TCF4: variants seen among roughly 807,000 people sequenced by gnomAD.
TCF4 encodes SL3-3 enhancer factor 2.
A neutral mutation model predicts 82.1 loss-of-function variants in TCF4; 3 were observed. The observed-to-expected ratio is 0.04, with a 90% CI of 0.02 to 0.09. TCF4 has a LOEUF of 0.09. Ranked by LOEUF, TCF4 falls within the 10% of genes least tolerant of loss-of-function variation. TCF4 has a pLI of 1.00. For missense variants in TCF4, 518 were observed against 852.7 expected (o/e 0.61, Z 4.89); for synonymous variants, 276 against 309.6 (o/e 0.89, Z 1.14).
At chr18:55,445,115 C>T (rs1354822687) in intron 5 of TCF4, among the ~76,000 whole-genome samples, 6 of 152,142 alleles carry the variant, frequency 3.9e-5, no homozygotes, top group Non-Finnish European at 8.8e-5. Context: ...GCTTGAGTGT[C>T]CTAAATCATA....
At chr18:55,376,083 G>A (rs143893654) in intron 6 of TCF4, among the ~76,000 whole-genome samples, 2 of 147,240 alleles carry the variant, frequency 1.4e-5, no homozygotes, top group African/African-American at 5.1e-5. Flanking sequence ...ATGCAGCGGC[G>A]GGATCTCAGC....
chr18:55,356,908 CCAAA>C (rs746179328), intron 6 of TCF4, among the ~76,000 whole-genome samples: 5 of 152,220 alleles, frequency 3.3e-5, no homozygotes, highest in Middle Eastern at 3.4e-3. Context: ...TTGTATTTCA[CCAAA>C]CACTCAAAAA....
At chr18:55,622,975 C>G (rs1018029518) in intron 2 of TCF4, among the ~76,000 whole-genome samples, 1 of 151,636 alleles carries the variant, frequency 6.6e-6, no homozygotes, top group Non-Finnish European at 1.5e-5. Flanking sequence ...TTAGTTATTA[C>G]AACAGAAAAC....
At chr18:55,310,517 A>G (rs1042829688) in intron 8 of TCF4, among the ~76,000 whole-genome samples, 4 of 152,200 alleles carry the variant, frequency 2.6e-5, no homozygotes, top group African/African-American at 9.6e-5. Context: ...ACCTTCCTCC[A>G]CAGGGTGCTA....
intron 1 of TCF4, among the ~76,000 whole-genome samples, chr18:55,631,927 C>G (rs1233571267): frequency 6.6e-5 from 10 of 152,216 alleles, no homozygotes; most frequent in Non-Finnish European, 8.8e-5. Flanking sequence ...ATTCTAATCT[C>G]ATCCTTTTAG....
chr18:55,414,538 G>GAAATCACTTATAC (rs1171091885), intron 5 of TCF4, among the ~76,000 whole-genome samples: 9 of 152,142 alleles, frequency 5.9e-5, no homozygotes, highest in Non-Finnish European at 1.0e-4. Flanking sequence ...GAGATACACA[G>GAAATCACTTATAC]AAATCACTTA....
At chr18:55,585,012 G>A (rs1244985278) in intron 3 of TCF4, among the ~76,000 whole-genome samples, 1 of 152,102 alleles carries the variant, frequency 6.6e-6, no homozygotes, top group East Asian at 1.9e-4. Flanking sequence ...TCATGTGTTT[G>A]ATTACAACTG....
intron 3 of TCF4, among the ~76,000 whole-genome samples, chr18:55,473,726 T>C (rs145918460): frequency 1.3e-5 from 2 of 152,338 alleles, no homozygotes; most frequent in Non-Finnish European, 2.9e-5. Context: ...AAAACATCAA[T>C]GAGAAGGCTT....
At chr18:55,393,475 C>A (rs1232357201) in intron 6 of TCF4, among the ~76,000 whole-genome samples, 1 of 152,126 alleles carries the variant, frequency 6.6e-6, no homozygotes, top group African/African-American at 2.4e-5. Context: ...TCCTATTCTA[C>A]CATTATGATG....
At chr18:55,579,639 G>A (rs1462457607) in intron 3 of TCF4, among the ~76,000 whole-genome samples, 3 of 151,862 alleles carry the variant, frequency 2.0e-5, no homozygotes, top group Non-Finnish European at 4.4e-5. Context: ...TTCCTTATTA[G>A]GCAACTTAAG....
intron 5 of TCF4, among the ~76,000 whole-genome samples, chr18:55,435,930 G>T (rs544640831): frequency 6.6e-6 from 1 of 152,304 alleles, no homozygotes; most frequent in African/African-American, 2.4e-5. Flanking sequence ...GTGATAAAGG[G>T]TGTATCTCCA....
intron 3 of TCF4, among the ~76,000 whole-genome samples, chr18:55,584,520 AAG>A (rs35175513): frequency 0.13 from 20,437 of 152,166 alleles, 1,810 homozygotes; most frequent in Admixed American, 0.27. Context: ...CACTTTTAAT[AAG>A]AGATATTCGA....
At chr18:55,500,080 G>A (rs2096680736) in intron 3 of TCF4, among the ~76,000 whole-genome samples, 1 of 152,160 alleles carries the variant, frequency 6.6e-6, no homozygotes, top group African/African-American at 2.4e-5. Context: ...CTACTCGGAG[G>A]CTGAGGCAGG....
At chr18:55,312,584 G>A (rs2072885180) in intron 8 of TCF4, among the ~76,000 whole-genome samples, 1 of 152,130 alleles carries the variant, frequency 6.6e-6, no homozygotes. Flanking sequence ...ATTCATGTAA[G>A]TCATCTTTCT....
intron 5 of TCF4, among the ~76,000 whole-genome samples, chr18:55,408,203 G>C (rs1328293416): frequency 1.3e-5 from 2 of 152,138 alleles, no homozygotes; most frequent in African/African-American, 4.8e-5. Flanking sequence ...CGCTGAAATA[G>C]ATTCATCTAT....
At chr18:55,361,257 C>A (rs1441652594) in intron 6 of TCF4, among the ~76,000 whole-genome samples, 1 of 152,088 alleles carries the variant, frequency 6.6e-6, no homozygotes, top group Non-Finnish European at 1.5e-5. Flanking sequence ...ATGCTGAGCC[C>A]CCAGCTCCAC....
At chr18:55,580,466 G>A (rs991830943) in intron 3 of TCF4, among the ~76,000 whole-genome samples, 1 of 151,870 alleles carries the variant, frequency 6.6e-6, no homozygotes, top group African/African-American at 2.4e-5. Flanking sequence ...ACAACAGAAT[G>A]AAAGCACAAC....
chr18:55,608,538 G>A (rs2097704313), intron 2 of TCF4, among the ~76,000 whole-genome samples: 1 of 152,062 alleles, frequency 6.6e-6, no homozygotes, highest in African/African-American at 2.4e-5. Flanking sequence ...AAAGAGATGA[G>A]CACATTTATT....
intron 4 of TCF4, 119 bp downstream of exon 4, chr18:55,463,957 T>C (rs1193226960): frequency 7.7e-6 from 6 of 777,704 alleles, no homozygotes; most frequent in Non-Finnish European, 8.9e-6. Flanking sequence ...TCTGTGTGTG[T>C]GTGTGTGTGT....
Sources: allele counts gnomAD v4.1 joint callset (sites outside exome capture counted in the v4.1 genomes callset), GRCh38; gene constraint gnomAD v4.1.1; transcripts MANE v1.5; gene names NCBI Gene and HGNC (gene_info 2026-07-23, HGNC 2026-07-21).